The following FAM229B variants were observed in gnomAD, a reference collection of about 807,000 sequenced individuals.
The protein encoded by FAM229B is family with sequence similarity 229 member B.
FAM229B carries 2 observed loss-of-function variants against 6.7 expected under a neutral mutation model. The observed-to-expected ratio is 0.30, with a 90% CI of 0.12 to 0.94. The LOEUF (loss-of-function observed/expected upper bound fraction) is 0.94, where lower values mean the gene tolerates loss of function less well. FAM229B is among the 40% of genes least tolerant of loss of function. The pLI, the probability that FAM229B is intolerant of heterozygous loss-of-function variation, is 0.54. For synonymous variants in FAM229B, 29 were observed against 34.0 expected (o/e 0.85, Z 0.51); for missense variants, 93 against 96.2 (o/e 0.97, Z 0.14).
rs116071899 is a variant in FAM229B at position 112,088,922 on chromosome 6, G to T, written c.-176+1202G>T. Among the ~76,000 whole-genome samples, 508 of 152,222 alleles carry T rather than the reference G, an allele frequency of 3.3e-3. 3 individuals carry two copies. Among genetic ancestry groups the T allele is most frequent in the African/African-American group, 9.1e-3 (378 of 41,534 alleles). On this transcript the variant is annotated intron_variant, in intron 1 of 3. Coordinates refer to ENST00000368656, the MANE Select transcript of FAM229B (RefSeq NM_001033564.3). ...CAGTCATTATTCCCCACACAGGAAA[G>T]AAAAGTCCTAACACATCTTATTAAT...
intron 2 of FAM229B, among the ~76,000 whole-genome samples, chr6:112,097,576 A>T (rs587626497): frequency 6.6e-6 from 1 of 152,238 alleles, no homozygotes. Flanking sequence ...AACATTGTGT[A>T]CTAATAGTTG....
intron 1 of FAM229B, among the ~76,000 whole-genome samples, chr6:112,095,695 A>C: frequency 6.7e-6 from 1 of 149,298 alleles, no homozygotes; most frequent in African/African-American, 2.5e-5. Context: ...AAAAACCTCT[A>C]ACCTAATTCT....
rs1487955325 is a variant in FAM229B at position 112,101,680 on chromosome 6, A to T, written c.*893A>T. On this transcript the variant is annotated 3_prime_UTR_variant, in exon 4 of 4. Coordinates refer to ENST00000368656, the MANE Select transcript of FAM229B (RefSeq NM_001033564.3). The stretch of plus-strand genomic sequence containing the variant: ...ATCTAATGAAATTGTCTTCTCCAAA[A>T]GACTGACTTTAGGATCAGATACAAT... The T allele has an allele frequency of 1.3e-5, 2 of 152,176 alleles. No individual in the cohort carries two copies. Among genetic ancestry groups the T allele is most frequent in the Non-Finnish European group, 2.9e-5 (2 of 68,010 alleles). 9.4% of individuals were successfully genotyped at this position (152,176 alleles called of 1,614,324 possible).
chr6:112,094,156 G>C (rs587752554), intron 1 of FAM229B, among the ~76,000 whole-genome samples: 1 of 151,734 alleles, frequency 6.6e-6, no homozygotes, highest in Admixed American at 6.6e-5. Context: ...ATTAGAAAAA[G>C]AAAAGCAAAT....
At chr6:112,099,609 CA>C (rs747622092) in intron 3 of FAM229B, among the ~76,000 whole-genome samples, 34 of 152,182 alleles carry the variant, frequency 2.2e-4, no homozygotes, top group Non-Finnish European at 3.2e-4. Context: ...GATGATAGAG[CA>C]ATTCATTCTC....
At chr6:112,096,856 C>A (rs1554318710) in intron 1 of FAM229B, among the ~76,000 whole-genome samples, 185 bp from the exon 2 acceptor site, 1 of 152,178 alleles carries the variant, frequency 6.6e-6, no homozygotes, top group East Asian at 1.9e-4. Flanking sequence ...TGAGAAGAAT[C>A]TCAATTCTGA....
intron 1 of FAM229B, among the ~76,000 whole-genome samples, chr6:112,091,059 C>A: frequency 1.1e-5 from 1 of 90,460 alleles, no homozygotes; most frequent in East Asian, 4.2e-4. Flanking sequence ...CTACTCTCTA[C>A]TTTTATGAGC....
At chr6:112,093,483 A>C (rs1777283488) in intron 1 of FAM229B, among the ~76,000 whole-genome samples, 1 of 152,118 alleles carries the variant, frequency 6.6e-6, no homozygotes, top group South Asian at 2.1e-4. Context: ...GAAAATCAGT[A>C]AGAATATGGA....
intron 3 of FAM229B, among the ~76,000 whole-genome samples, chr6:112,099,805 A>G (rs782582960): frequency 6.6e-6 from 1 of 152,238 alleles, no homozygotes; most frequent in Admixed American, 6.5e-5. Flanking sequence ...TATGAAAAAG[A>G]CTTAGACCTC....
chr6:112,095,165 C>T (rs1554318535), intron 1 of FAM229B, among the ~76,000 whole-genome samples: 2 of 152,088 alleles, frequency 1.3e-5, no homozygotes, highest in Admixed American at 1.3e-4. Context: ...AAGAATGACA[C>T]AAAAATATGT....
chr6:112,093,395 AAGG>A (rs1458461479), intron 1 of FAM229B, among the ~76,000 whole-genome samples: 63 of 152,206 alleles, frequency 4.1e-4, no homozygotes, highest in Admixed American at 7.2e-4. Flanking sequence ...GCAGAATAGA[AAGG>A]AGAAGTAAAT....
chr6:112,096,916 C>G (rs1777333908), intron 1 of FAM229B, 125 bp from the exon 2 acceptor site: 1 of 152,154 alleles, frequency 6.6e-6, no homozygotes, highest in African/African-American at 2.4e-5. Flanking sequence ...GATGAAAATA[C>G]TAATATTGTA....
intron 1 of FAM229B, among the ~76,000 whole-genome samples, chr6:112,088,320 C>A (rs1464176535): frequency 6.6e-6 from 1 of 152,052 alleles, no homozygotes; most frequent in East Asian, 1.9e-4. Flanking sequence ...TGACAATTAC[C>A]AACTACTTAA....
chr6:112,100,559 GAT>G, intron 3 of FAM229B, 109 bp from the exon 4 acceptor site: 1 of 693,718 alleles, frequency 1.4e-6, no homozygotes, highest in Non-Finnish European at 2.5e-6. Context: ...GACATTCAGA[GAT>G]TTCAAAGTGA....
rs1554319284 is a variant in FAM229B, at chr6:112,101,544, G to A, written c.*757G>A. ...TGTGGATTTTTTAATTTGGTTAGATGTGGGATCACTTTTGAGGATGAGGCC... is the reference window on the plus strand; with the variant it reads ...TGTGGATTTTTTAATTTGGTTAGATATGGGATCACTTTTGAGGATGAGGCC... On this transcript the variant is annotated 3_prime_UTR_variant, in exon 4 of 4. Transcript: ENST00000368656. The A allele has an allele frequency of 6.6e-6, 1 of 152,156 alleles. No homozygotes were observed. Among genetic ancestry groups the A allele is most frequent in the African/African-American group, 2.4e-5 (1 of 41,420 alleles). 9.4% of individuals were successfully genotyped at this position (152,156 alleles called of 1,614,324 possible).
chr6:112,100,519 G>A lies in FAM229B; in HGVS notation c.126-151G>A, dbSNP rs587737584. 23 of 564,936 alleles carry A rather than the reference G, an allele frequency of 4.1e-5. No individual in the cohort carries two copies. The East Asian group carries it at 4.4e-4, about 11-fold the overall frequency. 35.0% of individuals were successfully genotyped at this position (564,936 alleles called of 1,614,324 possible). A position where few individuals can be genotyped will look rare whatever the true frequency, so the allele number is the denominator to read the frequency against. On this transcript the variant is annotated intron_variant, in intron 3 of 3. Transcript: ENST00000368656. ...TATATCCATCTAAAATGGGTGCCTC[G>A]TCAGCATCACCATGTTGTACTCATT...
chr6:112,101,287 G>C lies in FAM229B; in HGVS notation c.*500G>C, dbSNP rs1196598902. ...TGGAGCCCTGGGGTTGTGTGTTTTG[G>C]AACAGTATTCAAGATCAAAGAAAGT... On this transcript the variant is annotated 3_prime_UTR_variant, in exon 4 of 4. Coordinates refer to ENST00000368656, the MANE Select transcript of FAM229B (RefSeq NM_001033564.3). 1 of 152,384 alleles carries C rather than the reference G, an allele frequency of 6.6e-6. No homozygotes were observed. The highest frequency in any genetic ancestry group is 6.5e-5 in the Admixed American group (1 of 15,284). 9.4% of individuals were successfully genotyped at this position (152,384 alleles called of 1,614,324 possible).
rs187692223 is a variant in FAM229B at position 112,087,671 on chromosome 6, T to G, written c.-225T>G. The G allele has an allele frequency of 2.1e-6, 1 of 485,524 alleles. No individual in the cohort carries two copies. Among genetic ancestry groups the G allele is most frequent in the Non-Finnish European group, 3.6e-6 (1 of 274,026 alleles). The allele number at this position is 485,524 out of a possible 1,614,324, so 30.1% of individuals were successfully genotyped here. ...TCTGGACTGTATATCCTAGCTGCCTTGTCAACATCTTCGAGCATCGGCAGC... is the reference window on the plus strand; with the variant it reads ...TCTGGACTGTATATCCTAGCTGCCTGGTCAACATCTTCGAGCATCGGCAGC... On this transcript the variant is annotated 5_prime_UTR_variant, in exon 1 of 4. Coordinates refer to ENST00000368656, the MANE Select transcript of FAM229B (RefSeq NM_001033564.3).
intron 3 of FAM229B, among the ~76,000 whole-genome samples, chr6:112,100,054 GGAGT>G (rs1554319076): frequency 6.6e-6 from 1 of 152,160 alleles, no homozygotes; most frequent in Non-Finnish European, 1.5e-5. Context: ...TTTAAAAATC[GGAGT>G]TAGTCAAGGA....
Sources: allele counts gnomAD v4.1 joint callset (sites outside exome capture counted in the v4.1 genomes callset), GRCh38; gene constraint gnomAD v4.1.1; transcripts MANE v1.5; gene names NCBI Gene and HGNC (gene_info 2026-07-23, HGNC 2026-07-21).